Variants in DOK6 observed in about 807,000 individuals in gnomAD.
DOK6 encodes the protein downstream of tyrosine kinase 6.
A neutral mutation model predicts 44.0 loss-of-function variants in DOK6; 22 were observed. That is an observed-to-expected ratio of 0.50 (90% confidence interval 0.36 to 0.71). The LOEUF is 0.71. Ranked by LOEUF, DOK6 falls within the 30% of genes least tolerant of loss-of-function variation. DOK6 has a pLI of 0.00. For synonymous variants in DOK6, 166 were observed against 145.5 expected (o/e 1.14, Z -1.01); for missense variants, 340 against 416.4 (o/e 0.82, Z 1.60).
chr18:69,674,322 T>C (rs540566322), intron 3 of DOK6, among the ~76,000 whole-genome samples: 2 of 152,298 alleles, frequency 1.3e-5, no homozygotes, highest in South Asian at 4.1e-4. Flanking sequence ...GTTAATACTT[T>C]TGAGGTGAAG....
At chr18:69,491,794 G>C (rs546813172) in intron 1 of DOK6, among the ~76,000 whole-genome samples, 4 of 152,132 alleles carry the variant, frequency 2.6e-5, no homozygotes, top group African/African-American at 9.7e-5. Flanking sequence ...GTTTAGAATA[G>C]GTTGCCCAGG....
At chr18:69,741,596 CA>C (rs1325687631) in intron 6 of DOK6, among the ~76,000 whole-genome samples, 1 of 152,112 alleles carries the variant, frequency 6.6e-6, no homozygotes, top group East Asian at 1.9e-4. Flanking sequence ...CTCCTGGGCT[CA>C]AGCAGTCCTC....
At chr18:69,635,724 T>A (rs952596011) in intron 3 of DOK6, among the ~76,000 whole-genome samples, 5 of 152,168 alleles carry the variant, frequency 3.3e-5, no homozygotes, top group Non-Finnish European at 5.9e-5. Flanking sequence ...TGTGTTGGGA[T>A]CCTCAGTAGC....
At chr18:69,446,570 C>A (rs1979299821) in intron 1 of DOK6, among the ~76,000 whole-genome samples, 1 of 151,952 alleles carries the variant, frequency 6.6e-6, no homozygotes, top group South Asian at 2.1e-4. Flanking sequence ...GGGTATATAC[C>A]CAGAAATGGG....
intron 1 of DOK6, among the ~76,000 whole-genome samples, chr18:69,509,637 CAAAAAA>C (rs1183367298): frequency 1.5e-4 from 5 of 33,990 alleles, no homozygotes; most frequent in South Asian, 1.3e-3. Context: ...GGCTCTGTCT[CAAAAAA>C]AAAAAAAAAA....
chr18:69,719,880 G>A (rs557594548), intron 5 of DOK6, among the ~76,000 whole-genome samples: 1 of 152,236 alleles, frequency 6.6e-6, no homozygotes, highest in South Asian at 2.1e-4. Context: ...TGTGGTTGAG[G>A]ATTCACTTAT....
chr18:69,682,403 A>G (rs1986064819), intron 4 of DOK6, among the ~76,000 whole-genome samples: 1 of 152,178 alleles, frequency 6.6e-6, no homozygotes, highest in African/African-American at 2.4e-5. Context: ...TAAAAAGGCT[A>G]AAGTTGGGCT....
chr18:69,780,733 C>A (rs565104257), intron 7 of DOK6, among the ~76,000 whole-genome samples: 1 of 152,114 alleles, frequency 6.6e-6, no homozygotes, highest in Non-Finnish European at 1.5e-5. Context: ...GCTATGTATG[C>A]GAGTATATTC....
intron 1 of DOK6, among the ~76,000 whole-genome samples, chr18:69,403,771 A>C (rs373505977): frequency 3.8e-4 from 58 of 152,330 alleles, no homozygotes; most frequent in Middle Eastern, 3.4e-3. Context: ...AGTGAGTCCC[A>C]TAAGATAGTA....
At chr18:69,776,661 T>G (rs1313953569) in intron 7 of DOK6, among the ~76,000 whole-genome samples, 1 of 151,922 alleles carries the variant, frequency 6.6e-6, no homozygotes. Flanking sequence ...AAAGACATCA[T>G]CACAACCTAA....
rs11663635 is a variant in DOK6 at position 69,653,963 on chromosome 18, T to C, written c.290-23771T>C. Among the ~76,000 whole-genome samples, 537 of 152,246 alleles carry C rather than the reference T, an allele frequency of 3.5e-3. 1 individual carries two copies. Among genetic ancestry groups the C allele is most frequent in the Non-Finnish European group, 5.6e-3 (379 of 68,012 alleles). Reference sequence around the variant, plus strand: ...AGATTATCCAATATGAGAGTCAAAATAGCTGTGATTAACATGCTCAAAATA... The same window carrying C: ...AGATTATCCAATATGAGAGTCAAAACAGCTGTGATTAACATGCTCAAAATA... On this transcript the variant is annotated intron_variant, in intron 3 of 7. Coordinates refer to ENST00000382713, the MANE Select transcript of DOK6 (RefSeq NM_152721.6).
chr18:69,567,216 A>G (rs1039350994), intron 2 of DOK6, among the ~76,000 whole-genome samples: 2 of 152,192 alleles, frequency 1.3e-5, no homozygotes, highest in African/African-American at 4.8e-5. Context: ...TGGGCCATGC[A>G]CTGGGGATAC....
intron 3 of DOK6, among the ~76,000 whole-genome samples, chr18:69,615,727 C>T (rs1008258277): frequency 2.6e-5 from 4 of 152,076 alleles, no homozygotes; most frequent in African/African-American, 9.7e-5. Flanking sequence ...TTGGGTATGC[C>T]GTTGTCAGAC....
intron 1 of DOK6, among the ~76,000 whole-genome samples, chr18:69,403,499 T>C (rs1916141643): frequency 6.6e-6 from 1 of 152,204 alleles, no homozygotes; most frequent in African/African-American, 2.4e-5. Context: ...AAGTGCAGCC[T>C]TCATAGAAAA....
At chr18:69,566,425 C>T (rs113845097) in intron 2 of DOK6, among the ~76,000 whole-genome samples, 12,765 of 152,252 alleles carry the variant, frequency 0.084, 681 homozygotes, top group South Asian at 0.16. Context: ...CGCGAACCAC[C>T]GCACCCGGCC....
At chr18:69,817,114 T>C (rs1393598858) in intron 7 of DOK6, among the ~76,000 whole-genome samples, 1 of 152,156 alleles carries the variant, frequency 6.6e-6, no homozygotes, top group African/African-American at 2.4e-5. Flanking sequence ...TAAGCTTTAG[T>C]TCCTCGAGTA....
intron 2 of DOK6, among the ~76,000 whole-genome samples, chr18:69,581,420 G>T (rs949312712): frequency 4.6e-5 from 7 of 152,182 alleles, no homozygotes; most frequent in African/African-American, 1.7e-4. Flanking sequence ...ATTTGTTAAA[G>T]GAAGAAAGGA....
At chr18:69,515,777 G>T (rs905514464) in intron 1 of DOK6, among the ~76,000 whole-genome samples, 2 of 152,148 alleles carry the variant, frequency 1.3e-5, no homozygotes, top group East Asian at 1.9e-4. Context: ...AATAAGTTGT[G>T]TAACACTAAC....
At chr18:69,698,306 G>A in intron 4 of DOK6, 98 bp from the exon 5 acceptor site, 5 of 1,109,116 alleles carry the variant, frequency 4.5e-6, no homozygotes, top group Non-Finnish European at 6.4e-6. Flanking sequence ...ATGTGGTCAT[G>A]TTTCCTGCAG....
Sources: allele counts gnomAD v4.1 joint callset (sites outside exome capture counted in the v4.1 genomes callset), GRCh38; gene constraint gnomAD v4.1.1; transcripts MANE v1.5; gene names NCBI Gene and HGNC (gene_info 2026-07-23, HGNC 2026-07-21).